GUCY1A2: variants seen among roughly 807,000 people sequenced by gnomAD.
The protein encoded by GUCY1A2 is guanylate cyclase soluble subunit alpha-2.
Under a neutral mutation model 63.5 loss-of-function variants are expected in GUCY1A2, and 27 were observed. The observed-to-expected ratio is 0.43, with a 90% CI of 0.31 to 0.59. The LOEUF (loss-of-function observed/expected upper bound fraction) is 0.59, where lower values mean the gene tolerates loss of function less well. GUCY1A2 is among the 20% of genes least tolerant of loss of function. The pLI, the probability that GUCY1A2 is intolerant of heterozygous loss-of-function variation, is 0.11. For synonymous variants in GUCY1A2, 364 were observed against 343.5 expected (o/e 1.06, Z -0.66); for missense variants, 768 against 913.3 (o/e 0.84, Z 2.05).
rs148310755 is a variant in GUCY1A2 at position 106,682,384 on chromosome 11, AAC to A, written c.*5163_*5164del. On this transcript the variant is annotated 3_prime_UTR_variant, in exon 8 of 8. Transcript: ENST00000526355. ...TAGCATTACTTAGAGTGATTTTCTAAACACAGATTCCTAGGCCCTACCTGAGA... is the reference window on the plus strand; with the variant it reads ...TAGCATTACTTAGAGTGATTTTCTAAACAGATTCCTAGGCCCTACCTGAGA... 2,532 of 213,292 alleles carry A rather than the reference AAC, an allele frequency of 0.012. 72 individuals are homozygous for A. Among genetic ancestry groups the A allele is most frequent in the African/African-American group, 0.054 (2,374 of 44,296 alleles). The allele number at this position is 213,292 out of a possible 1,614,324, so 13.2% of individuals were successfully genotyped here.
At chr11:106,736,492 GTCTATTTTTATGCCAGTACCATGCTGT>G (rs1457955451) in intron 6 of GUCY1A2, among the ~76,000 whole-genome samples, 15 of 152,180 alleles carry the variant, frequency 9.9e-5, no homozygotes, top group African/African-American at 3.6e-4. Flanking sequence ...TAGCCTATGT[GTCTATTTTTATGCCAGTACCATGCTGT>G]TTTGGTTACC....
intron 4 of GUCY1A2, among the ~76,000 whole-genome samples, chr11:106,832,141 A>C (rs1285974343): frequency 6.6e-6 from 1 of 152,274 alleles, no homozygotes; most frequent in Admixed American, 6.5e-5. Flanking sequence ...TTCAACATTA[A>C]TCATTATGAA....
intron 1 of GUCY1A2, among the ~76,000 whole-genome samples, chr11:106,997,818 C>CA (rs1861560887): frequency 6.6e-6 from 1 of 152,066 alleles, no homozygotes; most frequent in African/African-American, 2.4e-5. Context: ...CTGCCTACCT[C>CA]ATATACTTCC....
rs540001877 is a variant in GUCY1A2 at position 106,940,927 on chromosome 11, C to T, written c.488-749G>A. Among the ~76,000 whole-genome samples the T allele has an allele frequency of 8.5e-5, 13 of 152,120 alleles. 1 individual carries two copies. The highest frequency in any genetic ancestry group is 3.9e-4 in the Admixed American group (6 of 15,276). On this transcript the variant is annotated intron_variant, in intron 3 of 7. Coordinates refer to ENST00000526355, the MANE Select transcript of GUCY1A2 (RefSeq NM_000855.3). The stretch of plus-strand genomic sequence containing the variant: ...TCCATATTATCATCTTACTTCTTAT[C>T]GAAATGCATGTATTAAGTGGAAAAT...
intron 6 of GUCY1A2, among the ~76,000 whole-genome samples, chr11:106,711,216 G>A (rs1434981924): frequency 6.6e-6 from 1 of 152,082 alleles, no homozygotes; most frequent in African/African-American, 2.4e-5. Context: ...CCATGCATAT[G>A]TAGGTGCTAG....
At chr11:106,761,371 A>G (rs183708711) in intron 6 of GUCY1A2, among the ~76,000 whole-genome samples, 1 of 152,304 alleles carries the variant, frequency 6.6e-6, no homozygotes, top group Non-Finnish European at 1.5e-5. Context: ...GGCTAAGCTA[A>G]ACCACAAGAA....
intron 3 of GUCY1A2, among the ~76,000 whole-genome samples, chr11:106,965,179 C>T (rs978849132): frequency 2.0e-5 from 3 of 151,676 alleles, no homozygotes; most frequent in Non-Finnish European, 4.4e-5. Flanking sequence ...GTAAAAAGAG[C>T]GGTACTCCTT....
intron 6 of GUCY1A2, among the ~76,000 whole-genome samples, chr11:106,768,895 G>A (rs1864207654): frequency 6.6e-6 from 1 of 152,032 alleles, no homozygotes; most frequent in South Asian, 2.1e-4. Flanking sequence ...AAAGACCTTA[G>A]AAAGCCCTCC....
At chr11:106,890,223 C>G (rs1486995048) in intron 4 of GUCY1A2, among the ~76,000 whole-genome samples, 1 of 152,182 alleles carries the variant, frequency 6.6e-6, no homozygotes, top group East Asian at 1.9e-4. Context: ...AAGGGTACTT[C>G]ATCAAAACCC....
Position 106,682,473 on chromosome 11 carries a change from G to A in GUCY1A2, c.*5076C>T, listed in dbSNP as rs1862448239. The A allele has an allele frequency of 4.8e-6, 1 of 209,576 alleles. No individual in the cohort carries two copies. Among genetic ancestry groups the A allele is most frequent in the Non-Finnish European group, 9.7e-6 (1 of 103,104 alleles). 13.0% of individuals were successfully genotyped at this position (209,576 alleles called of 1,614,324 possible). On this transcript the variant is annotated 3_prime_UTR_variant, in exon 8 of 8. Coordinates refer to ENST00000526355, the MANE Select transcript of GUCY1A2 (RefSeq NM_000855.3). ...CTTCTGTATTCCTAAAACTCCCTACGGAATTCTTATGAAGCCAGCCAGATA... is the reference window on the plus strand; with the variant it reads ...CTTCTGTATTCCTAAAACTCCCTACAGAATTCTTATGAAGCCAGCCAGATA...
intron 4 of GUCY1A2, among the ~76,000 whole-genome samples, chr11:106,892,138 C>A (rs1252360299): frequency 6.6e-6 from 1 of 151,954 alleles, no homozygotes; most frequent in East Asian, 1.9e-4. Flanking sequence ...AAGTATTTCC[C>A]AGACAGTAGT....
intron 4 of GUCY1A2, among the ~76,000 whole-genome samples, chr11:106,821,817 T>A (rs975260263): frequency 2.6e-5 from 4 of 152,300 alleles, no homozygotes; most frequent in East Asian, 1.9e-4. Flanking sequence ...ATTATTATTA[T>A]GTGTTTGTGT....
chr11:106,707,494 C>T (rs111460328), intron 7 of GUCY1A2, among the ~76,000 whole-genome samples: 165 of 152,096 alleles, frequency 1.1e-3, no homozygotes, highest in African/African-American at 3.9e-3. Context: ...ATTAATTAAG[C>T]AGCTGTACAG....
chr11:106,945,741 G>T (rs1319433493), intron 3 of GUCY1A2, among the ~76,000 whole-genome samples: 1 of 152,190 alleles, frequency 6.6e-6, no homozygotes, highest in African/African-American at 2.4e-5. Flanking sequence ...GAGGCGGGCA[G>T]ATCACCTGAG....
intron 4 of GUCY1A2, among the ~76,000 whole-genome samples, chr11:106,914,404 C>A (rs1313466622): frequency 6.6e-6 from 1 of 152,090 alleles, no homozygotes; most frequent in Non-Finnish European, 1.5e-5. Flanking sequence ...ATGCCATCAA[C>A]AAATGGTGAT....
At chr11:106,690,010 TAAA>T (rs909393575) in intron 7 of GUCY1A2, among the ~76,000 whole-genome samples, 2 of 139,380 alleles carry the variant, frequency 1.4e-5, no homozygotes, top group African/African-American at 5.4e-5. Context: ...AAAAAAAAAG[TAAA>T]AAAATAACAG....
At chr11:106,755,238 C>G (rs914098749) in intron 6 of GUCY1A2, among the ~76,000 whole-genome samples, 3 of 151,780 alleles carry the variant, frequency 2.0e-5, no homozygotes, top group Non-Finnish European at 2.9e-5. Context: ...ATTCTTATCT[C>G]TTTTCTTATT....
At chr11:106,826,472 T>C (rs1858972742) in intron 4 of GUCY1A2, 1 of 1,594,310 alleles carries the variant, frequency 6.3e-7, no homozygotes, top group Non-Finnish European at 8.6e-7. Context: ...TGGTTTAAGA[T>C]TAGGTTTTCA....
intron 4 of GUCY1A2, among the ~76,000 whole-genome samples, chr11:106,927,302 G>A (rs1246028837): frequency 6.6e-6 from 1 of 151,558 alleles, no homozygotes; most frequent in Non-Finnish European, 1.5e-5. Flanking sequence ...GAACCCGGGG[G>A]GCGGAGCTTG....
Sources: allele counts gnomAD v4.1 joint callset (sites outside exome capture counted in the v4.1 genomes callset), GRCh38; gene constraint gnomAD v4.1.1; transcripts MANE v1.5; gene names NCBI Gene and HGNC (gene_info 2026-07-23, HGNC 2026-07-21).